Variants in SFI1 observed in about 807,000 individuals in gnomAD.
SFI1 encodes the protein SFI1 centrin binding protein.
A neutral mutation model predicts 207.5 loss-of-function variants in SFI1; 195 were observed. That is an observed-to-expected ratio of 0.94 (90% CI 0.84 to 1.06). The LOEUF (loss-of-function observed/expected upper bound fraction) is 1.06. SFI1 is among the 50% of genes least tolerant of loss of function. SFI1 has a pLI of 0.00. For missense variants in SFI1, 1,634 were observed against 1,588.0 expected (o/e 1.03, Z -0.49); for synonymous variants, 630 against 598.9 (o/e 1.05, Z -0.76).
At chr22:31,528,912 C>T in intron 3 of SFI1, 49 bp downstream of exon 3, 2 of 1,537,038 alleles carry the variant, frequency 1.3e-6, no homozygotes, top group Non-Finnish European at 1.8e-6. Flanking sequence ...CTTTTGTTCT[C>T]CTTTCTTGGT....
At chr22:31,562,422 G>C (rs1412670212) in intron 8 of SFI1, among the ~76,000 whole-genome samples, 1 of 140,984 alleles carries the variant, frequency 7.1e-6, no homozygotes, top group Non-Finnish European at 1.5e-5. Context: ...GAGTGACTGA[G>C]TTGGGGCCCT....
In SFI1 at chr22:31,561,330, C is replaced by T. The variant is rs749607014; in HGVS notation, c.703C>T (p.Arg235Cys). ...STWRQRLGQV[R>C]VSRALHASAL... Reference sequence around the variant, plus strand: ...GTGGAGGCAGCGACTAGGACAGGTCCGTGTGAGCCGTGCCCTCCATGCCTC... The same window carrying T: ...GTGGAGGCAGCGACTAGGACAGGTCTGTGTGAGCCGTGCCCTCCATGCCTC... The change falls in exon 8 of 33, where the codon CGT becomes TGT. Residue 235 changes from arginine to cysteine, a missense_variant. Transcript: ENST00000400288. 1.1e-5 allele frequency: 18 copies of T among 1,613,994 alleles called. No homozygotes were observed. The highest frequency in any genetic ancestry group is 1.6e-4 in the Middle Eastern group (1 of 6,084).
At chr22:31,536,747 A>G (rs1022527923) in intron 4 of SFI1, among the ~76,000 whole-genome samples, 1 of 152,064 alleles carries the variant, frequency 6.6e-6, no homozygotes, top group Non-Finnish European at 1.5e-5. Context: ...TTATTTATCT[A>G]TATTTGACCC....
Position 31,613,844 on chromosome 22 carries a change from C to T in SFI1, c.2985C>T (p.His995=), listed in dbSNP as rs781433529. The T allele has an allele frequency of 4.6e-5, 74 of 1,601,642 alleles. No homozygotes were observed. Among genetic ancestry groups the T allele is most frequent in the South Asian group, 1.2e-4 (11 of 90,166 alleles). Residue 995 remains histidine (H), a synonymous_variant, in exon 27 of 33, where the codon CAC becomes CAT. Transcript: ENST00000400288. ...GCCGCCTGGCTGCTGAGGAGCCCCACGCCCTGGAGCTGTGAGTAGCCTGTG... is the reference window on the plus strand; with the variant it reads ...GCCGCCTGGCTGCTGAGGAGCCCCATGCCCTGGAGCTGTGAGTAGCCTGTG... ...ALGRLAAEEP[H]ALELNTAHSA...
At chr22:31,509,263 G>A (rs2055133890) in intron 2 of SFI1, among the ~76,000 whole-genome samples, 2 of 152,162 alleles carry the variant, frequency 1.3e-5, no homozygotes, top group African/African-American at 4.8e-5. Flanking sequence ...CAATCACAAG[G>A]TGAAGTCCCG....
In SFI1 at chr22:31,512,295, C is replaced by T. The variant is rs146407645; in HGVS notation, c.92+3919C>T. On this transcript the variant is annotated intron_variant, in intron 2 of 32. Transcript: ENST00000400288. ...GCTTGAACCCGGGAGGCGGAGGTTG[C>T]GGTAAGCTGAGATTGTGCCATTGCA... is the stretch of plus-strand genomic sequence containing the variant. 2.0e-5 allele frequency among the ~76,000 whole-genome samples: 3 copies of T among 148,072 alleles called. No individual in the cohort carries two copies. In the East Asian group the frequency reaches 6.2e-4, roughly 30 times the overall value.
In SFI1 at chr22:31,530,748, T is replaced by G. The variant is rs141211872; in HGVS notation, c.267-310T>G. The G allele has an allele frequency of 1.5e-3, 636 of 419,086 alleles. 2 individuals are homozygous for G. The highest frequency in any genetic ancestry group is 2.4e-3 in the Non-Finnish European group (496 of 209,222). 26.0% of individuals were successfully genotyped at this position (419,086 alleles called of 1,614,324 possible). Reference sequence around the variant, plus strand: ...AGGTTCAGGCATTTGCCGGCCATTTTAGGCAGGAAGAATAATATGAACAAA... The same window carrying G: ...AGGTTCAGGCATTTGCCGGCCATTTGAGGCAGGAAGAATAATATGAACAAA... On this transcript the variant is annotated intron_variant, in intron 3 of 32. Transcript: ENST00000400288.
At chr22:31,560,658 C>T (rs1602717017) in intron 7 of SFI1, among the ~76,000 whole-genome samples, 1 of 150,604 alleles carries the variant, frequency 6.6e-6, no homozygotes, top group Non-Finnish European at 1.5e-5. Context: ...CTGCCTCAGC[C>T]TCCCAAAGTG....
At position 31,563,055 on chromosome 22, in the gene SFI1, G is replaced by A. The variant is rs553650165; in HGVS notation, c.765+1663G>A. 1.1e-3 allele frequency among the ~76,000 whole-genome samples: 166 copies of A among 150,064 alleles called. 1 individual carries two copies. Among genetic ancestry groups the A allele is most frequent in the African/African-American group, 3.8e-3 (154 of 40,798 alleles). ...GTCACCCAGACTGGAGTGCAGTGGC[G>A]CGATCTTGCCTCACTGCAACCTCTG... On this transcript the variant is annotated intron_variant, in intron 8 of 32. Coordinates refer to ENST00000400288, the MANE Select transcript of SFI1 (RefSeq NM_001007467.3).
intron 14 of SFI1, 84 bp downstream of exon 14, chr22:31,585,218 A>T: frequency 1.7e-6 from 2 of 1,205,964 alleles, no homozygotes; most frequent in Non-Finnish European, 2.4e-6. Flanking sequence ...GAAAAGACCT[A>T]TGCCAAGAAG....
intron 12 of SFI1, among the ~76,000 whole-genome samples, chr22:31,580,605 C>T (rs537981604): frequency 2.1e-5 from 3 of 145,846 alleles, no homozygotes; most frequent in Admixed American, 7.1e-5. Flanking sequence ...TACAGTGGCA[C>T]GATCTCAGCT....
At chr22:31,526,081 T>G (rs1407747521) in intron 2 of SFI1, among the ~76,000 whole-genome samples, 1 of 152,196 alleles carries the variant, frequency 6.6e-6, no homozygotes, top group Admixed American at 6.5e-5. Flanking sequence ...AATTGGTAAC[T>G]GGATTTAGAG....
Position 31,585,136 on chromosome 22 carries a change from T to C in SFI1, c.1413+2T>C, listed in dbSNP as rs1397153539. 1 of 1,613,126 alleles carries C rather than the reference T, an allele frequency of 6.2e-7. No individual in the cohort carries two copies. Among genetic ancestry groups the C allele is most frequent in the Non-Finnish European group, 8.5e-7 (1 of 1,179,400 alleles). On this transcript the variant is annotated splice_donor_variant, in intron 14 of 32. Coordinates refer to ENST00000400288, the MANE Select transcript of SFI1 (RefSeq NM_001007467.3). LOFTEE classifies it high-confidence loss of function. ...ACTCAGAAGAGGCGGTACAAGCAGG[T>C]ATGGAGTACTTTTTAGCAGATAGCT...
chr22:31,509,270 C>G (rs189363529), intron 2 of SFI1, among the ~76,000 whole-genome samples: 1 of 152,092 alleles, frequency 6.6e-6, no homozygotes, highest in Non-Finnish European at 1.5e-5. Context: ...AAGGTGAAGT[C>G]CCGTGATAGG....
At chr22:31,521,387 T>G (rs892713869) in intron 2 of SFI1, 1 of 161,744 alleles carries the variant, frequency 6.2e-6, no homozygotes, top group Admixed American at 6.4e-5. Flanking sequence ...TCACTTCAAG[T>G]ATCTCTGCAG....
At chr22:31,593,995 A>AG (rs2066626880) in intron 15 of SFI1, among the ~76,000 whole-genome samples, 1 of 34,716 alleles carries the variant, frequency 2.9e-5, no homozygotes, top group South Asian at 1.2e-3. Context: ...GACGAGGGAG[A>AG]GGGAGAGGGA....
At chr22:31,558,735 T>TC (rs764034086) in intron 7 of SFI1, among the ~76,000 whole-genome samples, 267 of 152,226 alleles carry the variant, frequency 1.8e-3, no homozygotes, top group Admixed American at 3.8e-3. Flanking sequence ...CCTCAGCCTC[T>TC]CCAAGTGCTG....
At chr22:31,591,123 A>G (rs901525944) in intron 15 of SFI1, among the ~76,000 whole-genome samples, 1 of 152,150 alleles carries the variant, frequency 6.6e-6, no homozygotes, top group Non-Finnish European at 1.5e-5. Context: ...GGCCTTCCGC[A>G]GTGTTTGTGT....
In SFI1 at chr22:31,565,344, A is replaced by T. The variant is rs190449626; in HGVS notation, c.765+3952A>T. Among the ~76,000 whole-genome samples the T allele has an allele frequency of 2.0e-3, 309 of 152,092 alleles. 1 individual carries two copies. The highest frequency in any genetic ancestry group is 7.2e-3 in the African/African-American group (297 of 41,496). On this transcript the variant is annotated intron_variant, in intron 8 of 32. Coordinates refer to ENST00000400288, the MANE Select transcript of SFI1 (RefSeq NM_001007467.3). ...CATCTACTCGGGAGGCTGTGGCAGG[A>T]TGATCACTTGAGGTCAAGTGTTTGA... is the stretch of plus-strand genomic sequence containing the variant.
Sources: gnomAD v4.1 joint callset for allele counts (sites outside exome capture counted in the v4.1 genomes callset) on GRCh38, gnomAD v4.1.1 for gene constraint, MANE v1.5 for transcripts, NCBI Gene and HGNC (gene_info 2026-07-23, HGNC 2026-07-21) for gene names.